Variants in EML1 observed in about 807,000 individuals in gnomAD.
EML1 encodes the protein echinoderm microtubule-associated protein-like 1.
EML1 carries 27 observed loss-of-function variants against 110.4 expected under a neutral mutation model. The observed-to-expected ratio is 0.24, with a 90% CI of 0.18 to 0.34. The LOEUF (loss-of-function observed/expected upper bound fraction) is 0.34, where lower values mean the gene tolerates loss of function less well. Ranked by LOEUF, EML1 falls within the 10% of genes least tolerant of loss-of-function variation. EML1 has a pLI of 1.00. For missense variants in EML1, 741 were observed against 1,030.9 expected, an observed-to-expected ratio of 0.72 and a Z score of 3.85; for synonymous variants, 344 against 385.8, an observed-to-expected ratio of 0.89 and a Z score of 1.27.
chr14:99,930,375 A>T (rs1046480912), intron 17 of EML1, among the ~76,000 whole-genome samples: 1 of 152,230 alleles, frequency 6.6e-6, no homozygotes. Context: ...ACACGCCTGG[A>T]ACGCAACCAC....
rs1367414671 is a variant in EML1 at position 99,878,528 on chromosome 14, G to A, written c.427G>A (p.Gly143Ser). The A allele has an allele frequency of 6.2e-7, 1 of 1,614,074 alleles. No individual in the cohort carries two copies. Among genetic ancestry groups the A allele is most frequent in the Admixed American group, 1.7e-5 (1 of 60,006 alleles). Residue 143 changes from glycine (G) to serine (S), a missense_variant, in exon 4 of 22, where the codon GGT becomes AGT. By Grantham distance (56) the Gly-to-Ser change is moderately conservative. This residue lies in a region of EML1 where 226 missense variants were observed against 255.6 expected (regional missense o/e 0.88). Transcript: ENST00000262233. ...TSSSERVSPGGRRESNGDSRG... is the reference protein window; with the variant it reads ...TSSSERVSPGSRRESNGDSRG... ...CTCTTCTGAACGAGTGTCTCCTGGG[G>A]GTCGAAGGGAAAGCAATGGGGATTC...
chr14:99,752,720 T>C (rs2057190868), intron 1 of EML1, among the ~76,000 whole-genome samples: 1 of 152,200 alleles, frequency 6.6e-6, no homozygotes, highest in African/African-American at 2.4e-5. Context: ...GCCAATGGTC[T>C]TCCTGTGTGG....
intron 3 of EML1, among the ~76,000 whole-genome samples, chr14:99,872,447 T>C (rs182725764): frequency 6.6e-6 from 1 of 152,326 alleles, no homozygotes; most frequent in Admixed American, 6.5e-5. Context: ...AAGGCCTCTG[T>C]AGACTTTTCC....
chr14:99,809,649 A>G (rs1171997195), intron 1 of EML1: 1 of 456,098 alleles, frequency 2.2e-6, no homozygotes, highest in Admixed American at 2.3e-5. Flanking sequence ...CTGCGATTTC[A>G]ACATCCAGAA....
In EML1 at chr14:99,827,321, CG is replaced by C. The variant is rs2058376619; in HGVS notation, c.68-23530del. 6.6e-6 allele frequency among the ~76,000 whole-genome samples: 1 copy of C among 151,616 alleles called. No individual in the cohort carries two copies. Among genetic ancestry groups the C allele is most frequent in the African/African-American group, 2.4e-5 (1 of 41,252 alleles). On this transcript the variant is annotated intron_variant, in intron 1 of 21. Coordinates refer to ENST00000262233, the MANE Select transcript of EML1 (RefSeq NM_004434.3). This position sits in a 1 kb window ranked among gnomAD's most constrained non-coding sequence, Gnocchi z 4.4. ...AGAAACTAGCGTAACTGGACCTTGC[CG>C]GTTTTGAGTATCGTGAGTACCCTGG...
At chr14:99,932,365 C>T (rs2060386108) in intron 17 of EML1, among the ~76,000 whole-genome samples, 1 of 152,130 alleles carries the variant, frequency 6.6e-6, no homozygotes, top group African/African-American at 2.4e-5. Flanking sequence ...GGGCCGGGCG[C>T]GGTGGCTCAC....
intron 1 of EML1, among the ~76,000 whole-genome samples, chr14:99,803,995 A>G (rs1209604521): frequency 6.6e-6 from 1 of 152,188 alleles, no homozygotes; most frequent in Non-Finnish European, 1.5e-5. Flanking sequence ...AGCCGCTCCC[A>G]GGGGACTGTA....
intron 1 of EML1, among the ~76,000 whole-genome samples, chr14:99,797,480 A>G (rs2057796836): frequency 1.3e-5 from 2 of 152,180 alleles, no homozygotes; most frequent in Non-Finnish European, 2.9e-5. Flanking sequence ...CAGAATTGCT[A>G]GGTCATATGG....
chr14:99,907,517 T>G, intron 9 of EML1, 121 bp from the exon 10 acceptor site: 1 of 818,646 alleles, frequency 1.2e-6, no homozygotes, highest in Non-Finnish European at 1.9e-6. Flanking sequence ...AATGGATGAG[T>G]ATTCTTTAAC....
In EML1 at chr14:99,842,628, GT is replaced by G. The variant is rs756662237; in HGVS notation, c.68-8220del. Among the ~76,000 whole-genome samples the G allele has an allele frequency of 3.5e-4, 53 of 152,128 alleles. 2 individuals carry two copies. In the East Asian group the frequency reaches 6.7e-3, roughly 19 times the overall value. On this transcript the variant is annotated intron_variant, in intron 1 of 21. Coordinates refer to ENST00000262233, the MANE Select transcript of EML1 (RefSeq NM_004434.3). The stretch of plus-strand genomic sequence containing the variant: ...GAAGGCAAATATTGAGGTGGTGGGG[GT>G]TTTTATTAAAATATTAAAATCAAAC...
At chr14:99,767,372 G>A (rs1376391731) in intron 1 of EML1, among the ~76,000 whole-genome samples, 1 of 152,254 alleles carries the variant, frequency 6.6e-6, no homozygotes, top group Non-Finnish European at 1.5e-5. Flanking sequence ...GGGAGGCCAA[G>A]GCGGGCAGAT....
At chr14:99,935,627 C>T (rs540794742) in intron 17 of EML1, among the ~76,000 whole-genome samples, 5 of 151,932 alleles carry the variant, frequency 3.3e-5, no homozygotes, top group Non-Finnish European at 5.9e-5. Context: ...ACCGAAAATA[C>T]AAAAAATTAG....
chr14:99,818,022 A>G (rs2058198407), intron 1 of EML1, among the ~76,000 whole-genome samples: 1 of 152,004 alleles, frequency 6.6e-6, no homozygotes, highest in East Asian at 1.9e-4. Flanking sequence ...ATGAAGATAG[A>G]GTGGCTCGGG....
At chr14:99,755,909 G>A (rs2057246956) in intron 1 of EML1, among the ~76,000 whole-genome samples, 1 of 152,104 alleles carries the variant, frequency 6.6e-6, no homozygotes. Flanking sequence ...GGTAGCACAG[G>A]GCTACTTCAC....
rs1233838885 is a variant in EML1 at position 99,940,506 on chromosome 14, G to A, written c.*394G>A. 2 of 155,230 alleles carry A rather than the reference G, an allele frequency of 1.3e-5. No homozygotes were observed. Among genetic ancestry groups the A allele is most frequent in the African/African-American group, 4.8e-5 (2 of 41,552 alleles). The allele number at this position is 155,230 out of a possible 1,614,324, so 9.6% of individuals were successfully genotyped here. On this transcript the variant is annotated 3_prime_UTR_variant, in exon 22 of 22. Transcript: ENST00000262233. ...GCTTGCTAAGTCAAATATTTATGATGATAATGAGGTACTGAACCACGATGG... is the reference window on the plus strand; with the variant it reads ...GCTTGCTAAGTCAAATATTTATGATAATAATGAGGTACTGAACCACGATGG...
chr14:99,894,583 C>T (rs766410926), intron 5 of EML1, 46 bp from the exon 6 acceptor site: 8 of 1,574,888 alleles, frequency 5.1e-6, no homozygotes, highest in South Asian at 1.2e-5. Context: ...TTTTCAGGTA[C>T]GCTGGGCACT....
chr14:99,836,461 A>G (rs1435536468), intron 1 of EML1, among the ~76,000 whole-genome samples: 14 of 152,154 alleles, frequency 9.2e-5, no homozygotes, highest in Non-Finnish European at 1.9e-4. Context: ...CTGCAAATAG[A>G]CAGTTTTGTT....
chr14:99,917,054 G>T (rs2060045812), intron 15 of EML1, among the ~76,000 whole-genome samples: 1 of 152,166 alleles, frequency 6.6e-6, no homozygotes, highest in Non-Finnish European at 1.5e-5. Flanking sequence ...TTTGCACCCA[G>T]TGGGCACTCA....
intron 6 of EML1, among the ~76,000 whole-genome samples, chr14:99,895,902 A>G (rs2059664259): frequency 6.6e-6 from 1 of 152,102 alleles, no homozygotes; most frequent in Non-Finnish European, 1.5e-5. Context: ...ATATATTCAT[A>G]TCAATCAAAA....
Sources: gnomAD v4.1 joint callset for allele counts (sites outside exome capture counted in the v4.1 genomes callset) on GRCh38, gnomAD v4.1.1 for gene constraint, gnomAD v4.1.1 regional missense constraint, Gnocchi (gnomAD v3.1) non-coding constraint, MANE v1.5 for transcripts, NCBI Gene and HGNC (gene_info 2026-07-23, HGNC 2026-07-21) for gene names.